The following WNT6 variants were observed in gnomAD, a reference collection of about 807,000 sequenced individuals.
WNT6 encodes Wnt family member 6.
In WNT6, 27 loss-of-function variants were observed where a neutral mutation model predicts 33.1. The observed-to-expected ratio is 0.82, with a 90% CI of 0.60 to 1.12. WNT6 has a LOEUF of 1.12. WNT6 is among the 50% of genes most tolerant of loss of function. WNT6 has a pLI of 0.00. For missense variants in WNT6, 494 were observed against 535.3 expected, an observed-to-expected ratio of 0.92 and a Z score of 0.76; for synonymous variants, 249 against 242.8, an observed-to-expected ratio of 1.03 and a Z score of -0.24.
chr2:218,859,977 C>G lies in WNT6; in HGVS notation c.-61C>G, dbSNP rs1275852488. 7.9e-7 allele frequency: 1 copy of G among 1,260,204 alleles called. No individual in the cohort carries two copies. The highest frequency in any genetic ancestry group is 1.6e-5 in the African/African-American group (1 of 63,752). 78.1% of individuals were successfully genotyped at this position (1,260,204 alleles called of 1,614,324 possible). A position where few individuals can be genotyped will look rare whatever the true frequency, so the allele number is the denominator to read the frequency against. ...TCGCACTGAAGCCCGGGCCCTCGCG[C>G]GCCGCGGTTCGCCCCGCAGCCTCGC... On this transcript the variant is annotated 5_prime_UTR_variant, in exon 1 of 4. Coordinates refer to ENST00000233948, the MANE Select transcript of WNT6 (RefSeq NM_006522.4).
At position 218,867,969 on chromosome 2, in the gene WNT6, C is replaced by T. The variant is rs1417415172; in HGVS notation, c.81-3058C>T. Among the ~76,000 whole-genome samples, 5 of 152,326 alleles carry T rather than the reference C, an allele frequency of 3.3e-5. No homozygotes were observed. Among genetic ancestry groups the T allele is most frequent in the African/African-American group, 9.6e-5 (4 of 41,576 alleles). On this transcript the variant is annotated intron_variant, in intron 1 of 3. Transcript: ENST00000233948. This position sits in a 1 kb window ranked among gnomAD's most constrained non-coding sequence, Gnocchi z 4.9. ...CACAGAGTTGACAGAAACCAGAGAT[C>T]GGAAGCGAAGCTTGGTGTTTTGCCC... is the stretch of plus-strand genomic sequence containing the variant.
chr2:218,869,084 G>C lies in WNT6; in HGVS notation c.81-1943G>C, dbSNP rs575299527. ...TGCTTTACTTATCTAGGCTGGGAAA[G>C]GGTGGGGGCCAGTGCTGGGCTGGTC... On this transcript the variant is annotated intron_variant, in intron 1 of 3. Coordinates refer to ENST00000233948, the MANE Select transcript of WNT6 (RefSeq NM_006522.4). Among the ~76,000 whole-genome samples, 17 of 152,292 alleles carry C rather than the reference G, an allele frequency of 1.1e-4. No individual in the cohort carries two copies. The East Asian group carries it at 2.1e-3, about 19-fold the overall frequency.
In WNT6 at chr2:218,873,121, C is replaced by T. The variant is rs1247993377; in HGVS notation, c.637-263C>T. On this transcript the variant is annotated intron_variant, in intron 3 of 3. Transcript: ENST00000233948. The surrounding 1 kb of genome is among the most constrained non-coding windows in gnomAD (Gnocchi z 6.1). Reference sequence around the variant, plus strand: ...TTCTCCCCCACCCCCTGCCTTTGGACCCTGGAATCTCTGCGCTGCATATTG... The same window carrying T: ...TTCTCCCCCACCCCCTGCCTTTGGATCCTGGAATCTCTGCGCTGCATATTG... Among the ~76,000 whole-genome samples, 1 of 152,194 alleles carries T rather than the reference C, an allele frequency of 6.6e-6. No individual in the cohort carries two copies. Among genetic ancestry groups the T allele is most frequent in the East Asian group, 1.9e-4 (1 of 5,176 alleles).
rs1944406044 is a variant in WNT6 at position 218,871,915 on chromosome 2, G to A, written c.636+96G>A. On this transcript the variant is annotated intron_variant, in intron 3 of 3. Transcript: ENST00000233948. The surrounding 1 kb of genome is among the most constrained non-coding windows in gnomAD (Gnocchi z 6.4). ...GTGTTGGCAGGAGTGAGGGTGTGTAGGTGGAGGGGGGCGTTAATGTGTGGG... is the reference window on the plus strand; with the variant it reads ...GTGTTGGCAGGAGTGAGGGTGTGTAAGTGGAGGGGGGCGTTAATGTGTGGG... 8.5e-6 allele frequency: 6 copies of A among 705,788 alleles called. No homozygotes were observed. The highest frequency in any genetic ancestry group is 1.2e-5 in the Non-Finnish European group (6 of 507,520). The allele number at this position is 705,788 out of a possible 1,614,324, so 43.7% of individuals were successfully genotyped here. A position where few individuals can be genotyped will look rare whatever the true frequency, so the allele number is the denominator to read the frequency against.
In WNT6 at chr2:218,867,079, G is replaced by C. The variant is rs758019443; in HGVS notation, c.81-3948G>C. ...GTGGGTCTGAATCCAGAATTTTAGC[G>C]ATGTTATCTGGAATAGATTCAGAGT... On this transcript the variant is annotated intron_variant, in intron 1 of 3. Coordinates refer to ENST00000233948, the MANE Select transcript of WNT6 (RefSeq NM_006522.4). The surrounding 1 kb of genome is among the most constrained non-coding windows in gnomAD (Gnocchi z 4.9). Among the ~76,000 whole-genome samples, 8 of 152,144 alleles carry C rather than the reference G, an allele frequency of 5.3e-5. No individual in the cohort carries two copies. Among genetic ancestry groups the C allele is most frequent in the Non-Finnish European group, 7.4e-5 (5 of 68,014 alleles).
At chr2:218,863,504 A>G (rs1453890408) in intron 1 of WNT6, among the ~76,000 whole-genome samples, 1 of 151,998 alleles carries the variant, frequency 6.6e-6, no homozygotes, top group African/African-American at 2.4e-5. Context: ...TTTCTCTCCC[A>G]CCTTCTTTTT....
At chr2:218,865,942 G>T (rs538377309) in intron 1 of WNT6, among the ~76,000 whole-genome samples, 1 of 150,882 alleles carries the variant, frequency 6.6e-6, no homozygotes, top group African/African-American at 2.4e-5. Context: ...GGCTGGGGGG[G>T]CAGTGGGGAG....
chr2:218,865,919 T>G (rs1316832802), intron 1 of WNT6, among the ~76,000 whole-genome samples: 4 of 31,066 alleles, frequency 1.3e-4, no homozygotes, highest in East Asian at 8.3e-4. Flanking sequence ...GGTGGTGAGG[T>G]GGGGAATGGG....
chr2:218,869,005 C>T (rs912020449), intron 1 of WNT6, among the ~76,000 whole-genome samples: 2 of 152,086 alleles, frequency 1.3e-5, no homozygotes, highest in Non-Finnish European at 2.9e-5. Context: ...CAATAGAGAC[C>T]GATCAGCTCT....
Position 218,871,565 on chromosome 2 carries a change from G to T in WNT6, c.382G>T (p.Glu128Ter). The T allele has an allele frequency of 6.3e-7, 1 of 1,574,820 alleles. No individual in the cohort carries two copies. ...CGTCACGCAGGCCTGTTCTATGGGCGAGCTGCTGCAGTGCGGCTGCCAGGC... is the reference window on the plus strand; with the variant it reads ...CGTCACGCAGGCCTGTTCTATGGGCTAGCTGCTGCAGTGCGGCTGCCAGGC... ...HAVTQACSMG[E>*]LLQCGCQAPR... The change falls in exon 3 of 4, where the codon GAG (glutamate) becomes TAG (stop). Residue 128 changes from glutamate (E) to a stop codon, truncating the protein, a stop_gained. Transcript: ENST00000233948. LOFTEE classifies it high-confidence loss of function. The surrounding 1 kb of genome is among the most constrained non-coding windows in gnomAD (Gnocchi z 6.4).
intron 1 of WNT6, among the ~76,000 whole-genome samples, chr2:218,865,671 C>A (rs1482018716): frequency 6.6e-6 from 1 of 152,088 alleles, no homozygotes; most frequent in South Asian, 2.1e-4. Flanking sequence ...GGCACAGGAT[C>A]TCCCACAGGC....
chr2:218,874,160 T>G lies in WNT6; in HGVS notation c.*315T>G. The G allele has an allele frequency of 2.8e-6, 1 of 354,028 alleles. No homozygotes were observed. Among genetic ancestry groups the G allele is most frequent in the Non-Finnish European group, 5.0e-6 (1 of 200,116 alleles). 21.9% of individuals were successfully genotyped at this position (354,028 alleles called of 1,614,324 possible). A position where few individuals can be genotyped will look rare whatever the true frequency, so the allele number is the denominator to read the frequency against. ...AAAAGCCAGTCTAAAGGCCTCTGGA[T>G]ACTGGGCTCCCCAGAACTGCTGGCC... On this transcript the variant is annotated 3_prime_UTR_variant, in exon 4 of 4. Coordinates refer to ENST00000233948, the MANE Select transcript of WNT6 (RefSeq NM_006522.4).
intron 1 of WNT6, among the ~76,000 whole-genome samples, chr2:218,864,191 C>T (rs1944334065): frequency 6.6e-6 from 1 of 152,200 alleles, no homozygotes; most frequent in African/African-American, 2.4e-5. Flanking sequence ...GTAAAGAGCT[C>T]ACTCTCATAG....
intron 1 of WNT6, among the ~76,000 whole-genome samples, chr2:218,860,539 G>C (rs1944298667): frequency 6.6e-6 from 1 of 152,182 alleles, no homozygotes; most frequent in Admixed American, 6.5e-5. Context: ...GCCCTGCTTT[G>C]CCTACCAACC....
Position 218,873,619 on chromosome 2 carries a change from C to G in WNT6, c.872C>G (p.Pro291Arg), listed in dbSNP as rs935885236. 4.6e-5 allele frequency: 73 copies of G among 1,574,430 alleles called. No individual in the cohort carries two copies. Among genetic ancestry groups the G allele is most frequent in the Non-Finnish European group, 5.7e-5 (66 of 1,167,182 alleles). Residue 291 changes from proline (P) to arginine (R), a missense_variant, in exon 4 of 4, where the codon CCC (proline) becomes CGC (arginine). Pro to Arg is a moderately radical substitution (Grantham distance 103, BLOSUM62 -2). Transcript: ENST00000233948. This position sits in a 1 kb window ranked among gnomAD's most constrained non-coding sequence, Gnocchi z 6.1. ...RADLLYAADS[P>R]DFCAPNRRTG... ...GACCTCCTCTACGCCGCCGATTCGCCCGACTTCTGCGCCCCCAACCGACGC... is the reference window on the plus strand; with the variant it reads ...GACCTCCTCTACGCCGCCGATTCGCGCGACTTCTGCGCCCCCAACCGACGC...
In WNT6 at chr2:218,873,824, G is replaced by T; in HGVS notation, c.1077G>T (p.Lys359Asn). 6.5e-7 allele frequency: 1 copy of T among 1,532,044 alleles called. No homozygotes were observed. 94.9% of individuals were successfully genotyped at this position (1,532,044 alleles called of 1,614,324 possible). Residue 359 changes from lysine (K) to asparagine (N), a missense_variant, in exon 4 of 4, where the codon AAG (lysine) becomes AAT (asparagine). Physicochemically the swap from Lys to Asn is moderately conservative, Grantham distance 94 (BLOSUM62 0). Coordinates refer to ENST00000233948, the MANE Select transcript of WNT6 (RefSeq NM_006522.4). The surrounding 1 kb of genome is among the most constrained non-coding windows in gnomAD (Gnocchi z 6.1). The part of the protein sequence containing the change: ...VVQCHRCRVR[K>N]ELSLCL ...AGTGCCACCGCTGCCGTGTGCGCAA[G>T]GAGCTCAGCCTCTGCCTGTGACCCG... is the stretch of plus-strand genomic sequence containing the variant.
In WNT6 at chr2:218,860,073, G is replaced by C; in HGVS notation, c.36G>C (p.Leu12=). The C allele has an allele frequency of 6.6e-7, 1 of 1,525,504 alleles. No homozygotes were observed. The allele number at this position is 1,525,504 out of a possible 1,614,324, so 94.5% of individuals were successfully genotyped here. A position where few individuals can be genotyped will look rare whatever the true frequency, so the allele number is the denominator to read the frequency against. The change falls in exon 1 of 4, where the codon CTG becomes CTC. Residue 12 remains leucine, a synonymous_variant. Coordinates refer to ENST00000233948, the MANE Select transcript of WNT6 (RefSeq NM_006522.4). ...LPPLPSRLGL[L]LLLLLCPAHV... ...CCTTACCCTCCCGCCTCGGGCTGCT[G>C]CTGCTGCTGCTCCTGTGCCCGGCGC...
In WNT6 at chr2:218,871,434, C is replaced by T; in HGVS notation, c.302-51C>T. 1.3e-6 allele frequency: 2 copies of T among 1,574,980 alleles called. No homozygotes were observed. Among genetic ancestry groups the T allele is most frequent in the Non-Finnish European group, 1.7e-6 (2 of 1,163,362 alleles). On this transcript the variant is annotated intron_variant, in intron 2 of 3. Transcript: ENST00000233948. This position sits in a 1 kb window ranked among gnomAD's most constrained non-coding sequence, Gnocchi z 6.4. ...CCCGCCGCAGGTTTCAGGTCCCAGG[C>T]CCCAGCTGACCGCCCCAGCCCGCGC...
chr2:218,873,746 C>T lies in WNT6; in HGVS notation c.999C>T (p.Ser333=). 6.3e-7 allele frequency: 1 copy of T among 1,581,836 alleles called. No homozygotes were observed. Among genetic ancestry groups the T allele is most frequent in the Non-Finnish European group, 8.5e-7 (1 of 1,170,314 alleles). Residue 333 remains serine (S), a synonymous_variant, in exon 4 of 4, where the codon AGC becomes AGT. Coordinates refer to ENST00000233948, the MANE Select transcript of WNT6 (RefSeq NM_006522.4). The surrounding 1 kb of genome is among the most constrained non-coding windows in gnomAD (Gnocchi z 6.1). Reference sequence around the variant, plus strand: ...GCGGCCGCGGGCACCGCCAGGAGAGCGTGCAGCTCGAAGAGAACTGCCTGT... The same window carrying T: ...GCGGCCGCGGGCACCGCCAGGAGAGTGTGCAGCTCGAAGAGAACTGCCTGT... ...LCCGRGHRQE[S]VQLEENCLCR... is the part of the protein sequence containing the mutation.
Sources: allele counts gnomAD v4.1 joint callset (sites outside exome capture counted in the v4.1 genomes callset), GRCh38; gene constraint gnomAD v4.1.1; non-coding constraint Gnocchi (gnomAD v3.1); transcripts MANE v1.5; gene names NCBI Gene and HGNC (gene_info 2026-07-23, HGNC 2026-07-21).